The following ESCO1 variants were observed in gnomAD, a reference collection of about 807,000 sequenced individuals.
The protein encoded by ESCO1 is establishment of sister chromatid cohesion N-acetyltransferase 1.
In ESCO1, 33 loss-of-function variants were observed where a neutral mutation model predicts 83.5. The observed-to-expected ratio is 0.40, with a 90% CI of 0.30 to 0.53. The LOEUF (loss-of-function observed/expected upper bound fraction) is 0.53. Among genes scored for constraint, ESCO1 ranks in the 20% least tolerant of loss-of-function variants. The probability of loss-of-function intolerance (pLI) is 0.63; values close to 1 mark genes in which losing one functional copy is unlikely to be tolerated. For synonymous variants in ESCO1, 332 were observed against 324.3 expected, an observed-to-expected ratio of 1.02 and a Z score of -0.25; for missense variants, 855 against 968.0, an observed-to-expected ratio of 0.88 and a Z score of 1.55.
chr18:21,541,316 TA>T (rs541049220), intron 8 of ESCO1, among the ~76,000 whole-genome samples: 242 of 152,150 alleles, frequency 1.6e-3, no homozygotes, highest in African/African-American at 5.6e-3. Flanking sequence ...AAAAGAAACT[TA>T]AGGCCGGGTG....
At chr18:21,596,001 TAAATAAAAA>T (rs1351222296) in intron 1 of ESCO1, among the ~76,000 whole-genome samples, 3 of 151,310 alleles carry the variant, frequency 2.0e-5, no homozygotes, top group Non-Finnish European at 2.9e-5. Context: ...TAAAAATAAA[TAAATAAAAA>T]GAATAATACT....
rs745635229 is a variant in ESCO1 at position 21,573,858 on chromosome 18, T to C, written c.986A>G (p.Glu329Gly). 4 of 1,614,098 alleles carry C rather than the reference T, an allele frequency of 2.5e-6. No individual in the cohort carries two copies. The East Asian group carries it at 6.7e-5, about 27-fold the overall frequency. The stretch of plus-strand genomic sequence containing the variant: ...TGTGGGCTTTTCTTCCTTTACACTT[T>C]CCATTTGTGAAGATTCCTTTTTTAC... ...VEVKKESSQM[E>G]SVKEEKPTEI... The change falls in exon 4 of 12, where the codon GAA becomes GGA. Residue 329 changes from glutamate to glycine, a missense_variant. Physicochemically the swap from Glu to Gly is moderately conservative, Grantham distance 98 (BLOSUM62 -2). This residue lies in a region of ESCO1 where 726 missense variants were observed against 699.5 expected (regional missense o/e 1.04). Transcript: ENST00000269214.
At chr18:21,593,831 T>C (rs1035042676) in intron 1 of ESCO1, among the ~76,000 whole-genome samples, 3 of 149,314 alleles carry the variant, frequency 2.0e-5, no homozygotes, top group Admixed American at 2.0e-4. Context: ...AAAAAAACCT[T>C]AGACAATTCA....
At chr18:21,539,023 C>T (rs2037871261) in intron 9 of ESCO1, among the ~76,000 whole-genome samples, 1 of 151,888 alleles carries the variant, frequency 6.6e-6, no homozygotes, top group Non-Finnish European at 1.5e-5. Flanking sequence ...ACTCTCTGAA[C>T]ACTTGAAGTA....
rs1304841479 is a variant in ESCO1 at position 21,529,747 on chromosome 18, A to G, written c.*596T>C. 1.3e-5 allele frequency: 2 copies of G among 152,162 alleles called. No homozygotes were observed. Among genetic ancestry groups the G allele is most frequent in the Non-Finnish European group, 2.9e-5 (2 of 67,976 alleles). The allele number at this position is 152,162 out of a possible 1,614,324, so 9.4% of individuals were successfully genotyped here. On this transcript the variant is annotated 3_prime_UTR_variant, in exon 12 of 12. Coordinates refer to ENST00000269214, the MANE Select transcript of ESCO1 (RefSeq NM_052911.3). ...AAAGATAGGAAAGAGAAAAATCAGG[A>G]AAAAAAAGCTCAATATTCTAATTCT...
chr18:21,540,782 T>C, intron 8 of ESCO1: 1 of 1,113,658 alleles, frequency 9.0e-7, no homozygotes, highest in African/African-American at 1.7e-5. Context: ...CTAGGAGCTT[T>C]GAAGTTCAAA....
chr18:21,591,490 T>C (rs2038667590), intron 1 of ESCO1, among the ~76,000 whole-genome samples: 1 of 152,212 alleles, frequency 6.6e-6, no homozygotes, highest in Non-Finnish European at 1.5e-5. Context: ...TTTTTTATCT[T>C]ACACAAAATT....
At position 21,580,947 on chromosome 18, in the gene ESCO1, G is replaced by A. The variant is rs142017601; in HGVS notation, c.-694+3363C>T. Among the ~76,000 whole-genome samples, 1,007 of 152,182 alleles carry A rather than the reference G, an allele frequency of 6.6e-3. 5 individuals carry two copies. Among genetic ancestry groups the A allele is most frequent in the Non-Finnish European group, 0.011 (745 of 68,008 alleles). On this transcript the variant is annotated intron_variant, in intron 2 of 11. Coordinates refer to ENST00000269214, the MANE Select transcript of ESCO1 (RefSeq NM_052911.3). Reference sequence around the variant, plus strand: ...GGAGGTTGCGGTAAGCTGAGATCGCGCCATTGCACTCCAGCCTGGGCAACA... The same window carrying A: ...GGAGGTTGCGGTAAGCTGAGATCGCACCATTGCACTCCAGCCTGGGCAACA...
rs1339939776 is a variant in ESCO1 at position 21,575,172 on chromosome 18, A to G, written c.-329T>C. 1 of 373,808 alleles carries G rather than the reference A, an allele frequency of 2.7e-6. No individual in the cohort carries two copies. Among genetic ancestry groups the G allele is most frequent in the African/African-American group, 2.1e-5 (1 of 48,086 alleles). 23.2% of individuals were successfully genotyped at this position (373,808 alleles called of 1,614,324 possible). A position where few individuals can be genotyped will look rare whatever the true frequency, so the allele number is the denominator to read the frequency against. On this transcript the variant is annotated 5_prime_UTR_variant, in exon 4 of 12. Transcript: ENST00000269214. The stretch of plus-strand genomic sequence containing the variant: ...AATTCAGGTTCAATCTGTTTTGTTA[A>G]TTTTTTAATTAATTTTGGTTTCAGG...
chr18:21,555,301 C>T (rs1419941732), intron 8 of ESCO1, among the ~76,000 whole-genome samples: 2 of 152,128 alleles, frequency 1.3e-5, no homozygotes, highest in African/African-American at 4.8e-5. Context: ...ATTTTTAGCA[C>T]AGTGCAACTA....
chr18:21,569,474 G>C (rs1242437019), intron 4 of ESCO1, among the ~76,000 whole-genome samples: 1 of 152,136 alleles, frequency 6.6e-6, no homozygotes, highest in Non-Finnish European at 1.5e-5. Context: ...GGCCGGGCAT[G>C]GTGGCTCACG....
At chr18:21,552,512 G>T (rs999424350) in intron 8 of ESCO1, among the ~76,000 whole-genome samples, 2 of 152,172 alleles carry the variant, frequency 1.3e-5, no homozygotes, top group Non-Finnish European at 2.9e-5. Context: ...TGCAACAATT[G>T]TAAGTTTCCT....
intron 4 of ESCO1, among the ~76,000 whole-genome samples, chr18:21,571,879 T>A (rs999759863): frequency 6.6e-6 from 1 of 152,226 alleles, no homozygotes. Flanking sequence ...TAATTGATGC[T>A]TGCATTCCTG....
chr18:21,565,090 T>A (rs939460851), intron 6 of ESCO1, among the ~76,000 whole-genome samples: 1 of 148,856 alleles, frequency 6.7e-6, no homozygotes, highest in Admixed American at 6.7e-5. Context: ...ATAATAATAA[T>A]AAAAATAAAG....
chr18:21,535,695 T>TA (rs1189441527), intron 10 of ESCO1, among the ~76,000 whole-genome samples: 20 of 152,142 alleles, frequency 1.3e-4, no homozygotes, highest in African/African-American at 4.1e-4. Flanking sequence ...TTTTGTATTT[T>TA]CAGTAGAGAA....
At chr18:21,556,951 C>T (rs1447695737) in intron 8 of ESCO1, among the ~76,000 whole-genome samples, 6 of 152,186 alleles carry the variant, frequency 3.9e-5, no homozygotes, top group African/African-American at 7.2e-5. Context: ...TCCACCCCCT[C>T]GGCATCCCAA....
At position 21,574,954 on chromosome 18, in the gene ESCO1, C is replaced by A; in HGVS notation, c.-111G>T. ...TTACTGAGGAGCAGGTCTGAAAAAT[C>A]AACTTTAACTGATGCTGATATACAT... is the stretch of plus-strand genomic sequence containing the variant. On this transcript the variant is annotated 5_prime_UTR_variant, in exon 4 of 12. Coordinates refer to ENST00000269214, the MANE Select transcript of ESCO1 (RefSeq NM_052911.3). 1.3e-6 allele frequency: 1 copy of A among 776,468 alleles called. No homozygotes were observed. The highest frequency in any genetic ancestry group is 2.1e-5 in the South Asian group (1 of 48,718). The allele number at this position is 776,468 out of a possible 1,614,324, so 48.1% of individuals were successfully genotyped here.
chr18:21,533,014 G>A (rs983100823), intron 10 of ESCO1, among the ~76,000 whole-genome samples: 16 of 151,944 alleles, frequency 1.1e-4, no homozygotes, highest in Admixed American at 8.5e-4. Context: ...TCTACCTCCC[G>A]CACTCCAAGA....
At chr18:21,589,299 C>T (rs1302886190) in intron 1 of ESCO1, among the ~76,000 whole-genome samples, 2 of 152,012 alleles carry the variant, frequency 1.3e-5, no homozygotes, top group Non-Finnish European at 2.9e-5. Context: ...CCTATTACTT[C>T]AATGTAGCCA....
Sources: allele counts gnomAD v4.1 joint callset (sites outside exome capture counted in the v4.1 genomes callset), GRCh38; gene constraint gnomAD v4.1.1; regional missense constraint gnomAD v4.1.1; transcripts MANE v1.5; gene names NCBI Gene and HGNC (gene_info 2026-07-23, HGNC 2026-07-21).